The following KCNAB1 variants were observed in gnomAD, a reference collection of about 807,000 sequenced individuals.
The protein encoded by KCNAB1 is potassium voltage-gated channel subfamily A regulatory beta subunit 1.
In KCNAB1, 35 loss-of-function variants were observed where a neutral mutation model predicts 64.6. The observed-to-expected ratio is 0.54, with a 90% CI of 0.41 to 0.72. The LOEUF (loss-of-function observed/expected upper bound fraction) is 0.72. KCNAB1 is among the 30% of genes least tolerant of loss of function. The probability of loss-of-function intolerance (pLI) is 0.00; values close to 1 mark genes in which losing one functional copy is unlikely to be tolerated. For missense variants in KCNAB1, 401 were observed against 512.9 expected, an observed-to-expected ratio of 0.78 and a Z score of 2.11; for synonymous variants, 177 against 183.8, an observed-to-expected ratio of 0.96 and a Z score of 0.30.
chr3:156,181,548 G>C (rs1007464621), intron 1 of KCNAB1, among the ~76,000 whole-genome samples: 1 of 152,094 alleles, frequency 6.6e-6, no homozygotes, highest in Admixed American at 6.5e-5. Flanking sequence ...GAGAAGGTAA[G>C]GATGCCCTCT....
intron 1 of KCNAB1, among the ~76,000 whole-genome samples, chr3:156,269,080 T>C (rs1369602650): frequency 6.6e-6 from 1 of 152,226 alleles, no homozygotes; most frequent in Non-Finnish European, 1.5e-5. Context: ...TGCATATGGA[T>C]ATCCAATTTT....
intron 1 of KCNAB1, among the ~76,000 whole-genome samples, chr3:156,365,256 AT>A (rs1725873321): frequency 6.6e-6 from 1 of 152,176 alleles, no homozygotes; most frequent in East Asian, 1.9e-4. Context: ...AAAAATGGAG[AT>A]GCTGGTAGTA....
intron 1 of KCNAB1, among the ~76,000 whole-genome samples, chr3:156,232,856 C>A (rs1716614859): frequency 6.6e-6 from 1 of 152,156 alleles, no homozygotes; most frequent in South Asian, 2.1e-4. Flanking sequence ...TAAAAGTATT[C>A]AATTTTCAGA....
In KCNAB1 at chr3:156,155,608, A is replaced by G. The variant is rs1371274331; in HGVS notation, c.275+34722A>G. On this transcript the variant is annotated intron_variant, in intron 1 of 13. Transcript: ENST00000490337. ...GAGTATTATAGACAGAAGGAACAGT[A>G]TATGCAAAAGCCCAGTGTGAAAGTC... Among the ~76,000 whole-genome samples, 5 of 152,196 alleles carry G rather than the reference A, an allele frequency of 3.3e-5. No homozygotes were observed. The South Asian group carries it at 1.0e-3, about 32-fold the overall frequency.
chr3:156,405,302 C>T (rs1576825222), intron 1 of KCNAB1, among the ~76,000 whole-genome samples: 1 of 152,210 alleles, frequency 6.6e-6, no homozygotes, highest in African/African-American at 2.4e-5. Context: ...CTTCCCACCT[C>T]CTGCTCTCCA....
At chr3:156,177,522 G>A (rs1285754847) in intron 1 of KCNAB1, among the ~76,000 whole-genome samples, 2 of 151,946 alleles carry the variant, frequency 1.3e-5, no homozygotes, top group South Asian at 2.1e-4. Context: ...GACTACAAGC[G>A]CCCGCCACCC....
chr3:156,373,041 G>C (rs922512413), intron 1 of KCNAB1, among the ~76,000 whole-genome samples: 1 of 152,350 alleles, frequency 6.6e-6, no homozygotes, highest in African/African-American at 2.4e-5. Flanking sequence ...AAAATTATGT[G>C]TAAATTATAA....
intron 1 of KCNAB1, among the ~76,000 whole-genome samples, chr3:156,276,003 A>G (rs1409275566): frequency 6.6e-6 from 1 of 152,030 alleles, no homozygotes; most frequent in Non-Finnish European, 1.5e-5. Context: ...GCCCACATCC[A>G]TCATAAAATC....
At chr3:156,123,004 T>C (rs1452175894) in intron 1 of KCNAB1, among the ~76,000 whole-genome samples, 3 of 152,180 alleles carry the variant, frequency 2.0e-5, no homozygotes, top group East Asian at 3.8e-4. Flanking sequence ...AGCGATAGAA[T>C]GTACGATCCC....
intron 13 of KCNAB1, 121 bp downstream of exon 13, chr3:156,531,618 G>A (rs2280030): frequency 3.0e-5 from 23 of 762,302 alleles, no homozygotes; most frequent in Non-Finnish European, 5.0e-5. Flanking sequence ...GGGGAACAAA[G>A]GCAACAGAAC....
intron 1 of KCNAB1, among the ~76,000 whole-genome samples, chr3:156,379,882 C>T (rs1428080425): frequency 2.6e-5 from 4 of 152,050 alleles, no homozygotes; most frequent in African/African-American, 9.7e-5. Flanking sequence ...AATTTTTTTC[C>T]AGACATACTC....
At chr3:156,290,462 A>C (rs1720338521) in intron 1 of KCNAB1, among the ~76,000 whole-genome samples, 1 of 152,236 alleles carries the variant, frequency 6.6e-6, no homozygotes. Flanking sequence ...GTTTCCATAC[A>C]TTTCAAATGG....
chr3:156,406,670 A>G (rs1714268978), intron 1 of KCNAB1, among the ~76,000 whole-genome samples: 1 of 152,170 alleles, frequency 6.6e-6, no homozygotes, highest in Non-Finnish European at 1.5e-5. Context: ...GTCACTTAAC[A>G]TTTTAGTGAG....
intron 1 of KCNAB1, among the ~76,000 whole-genome samples, chr3:156,235,536 T>C (rs1308363674): frequency 1.3e-5 from 2 of 152,198 alleles, no homozygotes; most frequent in African/African-American, 2.4e-5. Context: ...AGCCTTGAGG[T>C]TGGTGGCCCA....
chr3:156,214,525 A>G (rs1715199326), intron 1 of KCNAB1, among the ~76,000 whole-genome samples: 1 of 152,212 alleles, frequency 6.6e-6, no homozygotes, highest in African/African-American at 2.4e-5. Flanking sequence ...GGAAAGACTC[A>G]TAAAAAATCA....
intron 8 of KCNAB1, among the ~76,000 whole-genome samples, chr3:156,507,623 G>A (rs915846741): frequency 3.3e-5 from 5 of 152,198 alleles, no homozygotes; most frequent in Non-Finnish European, 5.9e-5. Context: ...AAGCAGTACA[G>A]TTATAAACCA....
intron 1 of KCNAB1, among the ~76,000 whole-genome samples, chr3:156,231,301 G>A (rs1191552777): frequency 6.6e-6 from 1 of 152,104 alleles, no homozygotes; most frequent in Non-Finnish European, 1.5e-5. Context: ...CTCATCAGAT[G>A]GGTTTTATTT....
At chr3:156,204,390 T>A (rs2108383372) in intron 1 of KCNAB1, among the ~76,000 whole-genome samples, 1 of 152,330 alleles carries the variant, frequency 6.6e-6, no homozygotes, top group South Asian at 2.1e-4. Flanking sequence ...AGGTTATGAC[T>A]CAGGGTTTGG....
At chr3:156,392,543 T>C (rs1713122514) in intron 1 of KCNAB1, among the ~76,000 whole-genome samples, 1 of 152,238 alleles carries the variant, frequency 6.6e-6, no homozygotes, top group Non-Finnish European at 1.5e-5. Flanking sequence ...ATGATAATAA[T>C]AGCCTTCTTT....
Sources: gnomAD v4.1 joint callset for allele counts (sites outside exome capture counted in the v4.1 genomes callset) on GRCh38, gnomAD v4.1.1 for gene constraint, MANE v1.5 for transcripts, NCBI Gene and HGNC (gene_info 2026-07-23, HGNC 2026-07-21) for gene names.